Variants in TRAF3IP3 observed in about 807,000 individuals in gnomAD.
TRAF3IP3 encodes TRAF3 interacting protein 3.
TRAF3IP3 carries 64 observed loss-of-function variants against 86.5 expected under a neutral mutation model. The ratio of observed to expected loss-of-function variants is 0.74; its 90% CI spans 0.60 to 0.91. TRAF3IP3 has a LOEUF of 0.91. Ranked by LOEUF, TRAF3IP3 falls within the 40% of genes least tolerant of loss-of-function variation. TRAF3IP3 has a pLI of 0.00. For missense variants in TRAF3IP3, 579 were observed against 642.9 expected, an observed-to-expected ratio of 0.90 and a Z score of 1.07; for synonymous variants, 220 against 243.9, an observed-to-expected ratio of 0.90 and a Z score of 0.91.
chr1:209,774,326 G>T (rs2077608160), intron 9 of TRAF3IP3, among the ~76,000 whole-genome samples: 1 of 152,210 alleles, frequency 6.6e-6, no homozygotes, highest in Non-Finnish European at 1.5e-5. Flanking sequence ...AGCAGCAGCA[G>T]TATGCTCCCT....
At chr1:209,763,436 AC>A in intron 7 of TRAF3IP3, 44 bp downstream of exon 7, 1 of 1,613,118 alleles carries the variant, frequency 6.2e-7, no homozygotes, top group Non-Finnish European at 8.5e-7. Context: ...CCATCCACTT[AC>A]CCCCGATCCT....
At chr1:209,772,858 T>C (rs776656062) in intron 8 of TRAF3IP3, 90 bp from the exon 9 acceptor site, 15 of 1,115,210 alleles carry the variant, frequency 1.3e-5, no homozygotes, top group South Asian at 2.7e-5. Context: ...GCACCAACCA[T>C]GTGCTGGGCA....
At chr1:209,776,053 C>T (rs1382754652) in intron 11 of TRAF3IP3, 1 of 229,024 alleles carries the variant, frequency 4.4e-6, no homozygotes. Context: ...CTCCAAACTC[C>T]ATCCCAAAAA....
At position 209,775,491 on chromosome 1, in the gene TRAF3IP3, T is replaced by C. The variant is rs779776570; in HGVS notation, c.915+2T>C. 1 of 1,613,802 alleles carries C rather than the reference T, an allele frequency of 6.2e-7. No individual in the cohort carries two copies. The highest frequency in any genetic ancestry group is 8.5e-7 in the Non-Finnish European group (1 of 1,179,870). ...GAGCAGCAACTACAGAGCACACAGGTATGGGGATGCCACATAGACATGGGG... is the reference window on the plus strand; with the variant it reads ...GAGCAGCAACTACAGAGCACACAGGCATGGGGATGCCACATAGACATGGGG... On this transcript the variant is annotated splice_donor_variant, in intron 10 of 16. Transcript: ENST00000367025. LOFTEE classifies it high-confidence loss of function.
At chr1:209,781,318 T>A (rs367857404) in intron 15 of TRAF3IP3, 27 bp from the exon 16 acceptor site, 12 of 1,513,116 alleles carry the variant, frequency 7.9e-6, no homozygotes, top group Non-Finnish European at 1.1e-5. Flanking sequence ...GAAGTGACAG[T>A]GATGACTTTG....
At chr1:209,777,274 C>T (rs1363578595) in intron 11 of TRAF3IP3, 78 bp from the exon 12 acceptor site, 1 of 1,323,424 alleles carries the variant, frequency 7.6e-7, no homozygotes. Flanking sequence ...CTACATTTTC[C>T]TCTTCCATGG....
Position 209,782,285 on chromosome 1 carries a change from C to T in TRAF3IP3, c.*137C>T. 1.5e-6 allele frequency: 1 copy of T among 671,982 alleles called. No homozygotes were observed. The highest frequency in any genetic ancestry group is 2.6e-6 in the Non-Finnish European group (1 of 378,966). The allele number at this position is 671,982 out of a possible 1,614,324, so 41.6% of individuals were successfully genotyped here. A position where few individuals can be genotyped will look rare whatever the true frequency, so the allele number is the denominator to read the frequency against. On this transcript the variant is annotated 3_prime_UTR_variant, in exon 17 of 17. Transcript: ENST00000367025. ...GACTTTTTATTAATTTCTTAACCTA[C>T]TGTAAATAAACTTCACCTGACCAGA...
chr1:209,774,741 A>G (rs546153188), intron 9 of TRAF3IP3, among the ~76,000 whole-genome samples: 7 of 152,210 alleles, frequency 4.6e-5, no homozygotes, highest in Admixed American at 6.5e-5. Context: ...AAGTGGCAAG[A>G]TCAGATTTGC....
intron 8 of TRAF3IP3, among the ~76,000 whole-genome samples, chr1:209,765,289 G>T (rs1046696711): frequency 4.2e-5 from 4 of 95,490 alleles, no homozygotes; most frequent in African/African-American, 1.5e-4. Context: ...AAGGAAGGAA[G>T]AAATTAAGAT....
In TRAF3IP3 at chr1:209,775,336, A is replaced by C. The variant is rs1210096435; in HGVS notation, c.775-13A>C. ...GCTCAATGTGTATTTGTTGAATTGC[A>C]TCAAATTTACAGAAATACTCCCCTT... On this transcript the variant is annotated splice_polypyrimidine_tract_variant and intron_variant, in intron 9 of 16. Coordinates refer to ENST00000367025, the MANE Select transcript of TRAF3IP3 (RefSeq NM_025228.4). 2.5e-6 allele frequency: 4 copies of C among 1,603,434 alleles called. No individual in the cohort carries two copies. Among genetic ancestry groups the C allele is most frequent in the Non-Finnish European group, 3.4e-6 (4 of 1,174,342 alleles).
chr1:209,777,471 T>C lies in TRAF3IP3; in HGVS notation c.1173T>C (p.Asp391=). The C allele has an allele frequency of 6.2e-7, 1 of 1,613,500 alleles. No homozygotes were observed. Among genetic ancestry groups the C allele is most frequent in the Non-Finnish European group, 8.5e-7 (1 of 1,179,632 alleles). Residue 391 remains aspartate (D), a synonymous_variant, in exon 12 of 17, where the codon GAT becomes GAC. Coordinates refer to ENST00000367025, the MANE Select transcript of TRAF3IP3 (RefSeq NM_025228.4). ...GGGACAGAGACCTGTGCAGCTTGGA[T>C]ACCCAGGACCTACAAGGTACTCTTC... is the stretch of plus-strand genomic sequence containing the variant. ...LQGDRDLCSL[D]TQDLQDQLKR...
At position 209,782,089 on chromosome 1, in the gene TRAF3IP3, G is replaced by A. The variant is rs141902362; in HGVS notation, c.1597G>A (p.Val533Met). Residue 533 changes from valine (V) to methionine (M), a missense_variant, in exon 17 of 17, where the codon GTG (valine) becomes ATG (methionine). Transcript: ENST00000367025. Reference sequence around the variant, plus strand: ...TGGGCGATGGCTCCCAGTGCTGATGGTGGTGATTGCTGCAGCACTGGCAGT... The same window carrying A: ...TGGGCGATGGCTCCCAGTGCTGATGATGGTGATTGCTGCAGCACTGGCAGT... ...QCGRWLPVLM[V>M]VIAAALAVFL... The A allele has an allele frequency of 7.4e-6, 12 of 1,614,178 alleles. No individual in the cohort carries two copies. Among genetic ancestry groups the A allele is most frequent in the Non-Finnish European group, 1.0e-5 (12 of 1,180,032 alleles).
chr1:209,778,915 GT>G, intron 13 of TRAF3IP3: 1 of 223,702 alleles, frequency 4.5e-6, no homozygotes, highest in Non-Finnish European at 8.9e-6. Flanking sequence ...CAGCAGGGTT[GT>G]TTCCTTCTGA....
At chr1:209,771,966 T>C (rs2077549924) in intron 8 of TRAF3IP3, among the ~76,000 whole-genome samples, 1 of 147,030 alleles carries the variant, frequency 6.8e-6, no homozygotes, top group Non-Finnish European at 1.5e-5. Context: ...AAGGTGTGTG[T>C]GTGCAGGTGG....
chr1:209,763,319 G>A (rs772878168), intron 6 of TRAF3IP3, 44 bp from the exon 7 acceptor site: 1 of 1,605,284 alleles, frequency 6.2e-7, no homozygotes, highest in Non-Finnish European at 8.5e-7. Context: ...CAGGGTTTCA[G>A]GGGACTTACA....
Position 209,775,475 on chromosome 1 carries a change from C to A in TRAF3IP3, c.901C>A (p.Leu301Ile). 6.2e-7 allele frequency: 1 copy of A among 1,614,242 alleles called. No individual in the cohort carries two copies. The highest frequency in any genetic ancestry group is 8.5e-7 in the Non-Finnish European group (1 of 1,180,044). The change falls in exon 10 of 17, where the codon CTA becomes ATA. Residue 301 changes from leucine (L) to isoleucine (I), a missense_variant. Coordinates refer to ENST00000367025, the MANE Select transcript of TRAF3IP3 (RefSeq NM_025228.4). The part of the protein sequence containing the change: ...LEEKMNAEQQ[L>I]QSTQRSLALA... ...GGAGAAAATGAATGCAGAGCAGCAACTACAGAGCACACAGGTATGGGGATG... is the reference window on the plus strand; with the variant it reads ...GGAGAAAATGAATGCAGAGCAGCAAATACAGAGCACACAGGTATGGGGATG...
rs563159470 is a variant in TRAF3IP3, at chr1:209,781,431, G to A, written c.1536G>A (p.Leu512=). The A allele has an allele frequency of 1.2e-6, 2 of 1,613,554 alleles. No individual in the cohort carries two copies. The highest frequency in any genetic ancestry group is 2.7e-5 in the African/African-American group (2 of 75,034). Residue 512 remains leucine, a synonymous_variant, in exon 16 of 17, where the codon CTG becomes CTA. Coordinates refer to ENST00000367025, the MANE Select transcript of TRAF3IP3 (RefSeq NM_025228.4). ...LRKLQHCREE[L]NQSQQLPPRR... ...AGCTGCAGCACTGTCGAGAAGAGCT[G>A]AACCAGAGCCAGCAGCTGCCTCCCA... is the stretch of plus-strand genomic sequence containing the variant.
intron 8 of TRAF3IP3, among the ~76,000 whole-genome samples, chr1:209,772,601 G>A (rs993812111): frequency 1.3e-5 from 2 of 152,170 alleles, no homozygotes; most frequent in Non-Finnish European, 2.9e-5. Context: ...GAAGAGGTGA[G>A]GAGTGCAGAA....
chr1:209,779,152 G>T, intron 13 of TRAF3IP3, 163 bp from the exon 14 acceptor site: 1 of 613,034 alleles, frequency 1.6e-6, no homozygotes, highest in Non-Finnish European at 2.9e-6. Flanking sequence ...ATTATTTAAG[G>T]TACTGAGGGT....
Sources: gnomAD v4.1 joint callset for allele counts (sites outside exome capture counted in the v4.1 genomes callset) on GRCh38, gnomAD v4.1.1 for gene constraint, MANE v1.5 for transcripts, NCBI Gene and HGNC (gene_info 2026-07-23, HGNC 2026-07-21) for gene names.